The following AK7 variants were observed in gnomAD, a reference collection of about 807,000 sequenced individuals.
AK7 encodes adenylate kinase 7, also known as ATP-AMP transphosphorylase 7.
AK7 carries 78 observed loss-of-function variants against 96.6 expected under a neutral mutation model. That is an observed-to-expected ratio of 0.81 (90% CI 0.67 to 0.97). AK7 has a LOEUF of 0.97. AK7 is among the 50% of genes least tolerant of loss of function. The probability of loss-of-function intolerance (pLI) is 0.00; values close to 1 mark genes in which losing one functional copy is unlikely to be tolerated. For synonymous variants in AK7, 302 were observed against 317.2 expected, an observed-to-expected ratio of 0.95 and a Z score of 0.51; for missense variants, 855 against 887.9, an observed-to-expected ratio of 0.96 and a Z score of 0.47.
At chr14:96,408,165 C>T (rs557154689) in intron 3 of AK7, among the ~76,000 whole-genome samples, 1 of 152,312 alleles carries the variant, frequency 6.6e-6, no homozygotes, top group South Asian at 2.1e-4. Flanking sequence ...CTTCCTTCCA[C>T]CATGGCTTTC....
intron 4 of AK7, among the ~76,000 whole-genome samples, chr14:96,415,549 G>A (rs1007035890): frequency 6.6e-6 from 1 of 151,808 alleles, no homozygotes; most frequent in Non-Finnish European, 1.5e-5. Flanking sequence ...GCCAGCCCAT[G>A]GTGCCTGGAG....
intron 10 of AK7, among the ~76,000 whole-genome samples, chr14:96,453,112 G>GA (rs201596934): frequency 2.4e-3 from 354 of 149,896 alleles, no homozygotes; most frequent in African/African-American, 8.0e-3. Context: ...TATTCTCTTG[G>GA]AAAAAAAAAC....
chr14:96,471,849 T>G (rs1214588242), intron 13 of AK7, among the ~76,000 whole-genome samples: 1 of 152,026 alleles, frequency 6.6e-6, no homozygotes, highest in Non-Finnish European at 1.5e-5. Flanking sequence ...GTGGCACAAA[T>G]ACTTAACACG....
chr14:96,458,790 AGTCCCAGC>A (rs1456583323), intron 12 of AK7, among the ~76,000 whole-genome samples: 1 of 151,366 alleles, frequency 6.6e-6, no homozygotes, highest in African/African-American at 2.4e-5. Context: ...ATGTGCCTAT[AGTCCCAGC>A]TATTTGGAGG....
At chr14:96,430,127 G>T (rs1167515204) in intron 5 of AK7, among the ~76,000 whole-genome samples, 1 of 151,670 alleles carries the variant, frequency 6.6e-6, no homozygotes, top group African/African-American at 2.4e-5. Context: ...ATTATTTTGA[G>T]ATACGTTCCA....
chr14:96,404,822 T>C lies in AK7; in HGVS notation c.360T>C (p.Thr120=). ...LECDVIIYNI[T]ESSQQMEEAI... ...GTGATGTTATTATTTATAACATCAC[T>C]GAGAGCTCACAGCAAATGGAGGAAG... The change falls in exon 3 of 18, where the codon ACT becomes ACC. Residue 120 remains threonine, a synonymous_variant. Transcript: ENST00000267584. The C allele has an allele frequency of 1.2e-6, 2 of 1,610,848 alleles. No individual in the cohort carries two copies. Among genetic ancestry groups the C allele is most frequent in the Middle Eastern group, 3.3e-4 (2 of 6,054 alleles).
At chr14:96,414,574 G>A (rs1002116665) in intron 4 of AK7, among the ~76,000 whole-genome samples, 1 of 152,144 alleles carries the variant, frequency 6.6e-6, no homozygotes, top group Non-Finnish European at 1.5e-5. Context: ...GAAAAGGAAG[G>A]CCACACATAG....
intron 3 of AK7, among the ~76,000 whole-genome samples, chr14:96,407,392 C>A (rs879793383): frequency 3.3e-5 from 5 of 152,118 alleles, no homozygotes; most frequent in Non-Finnish European, 7.4e-5. Flanking sequence ...AATTCAATAA[C>A]GCTTTCTCGT....
At chr14:96,444,694 A>T (rs1369692033) in intron 7 of AK7, among the ~76,000 whole-genome samples, 1 of 151,832 alleles carries the variant, frequency 6.6e-6, no homozygotes, top group Non-Finnish European at 1.5e-5. Flanking sequence ...GTAACCTGGT[A>T]CTAACCTATC....
intron 4 of AK7, among the ~76,000 whole-genome samples, chr14:96,413,727 T>G (rs1482410082): frequency 6.6e-6 from 1 of 152,246 alleles, no homozygotes; most frequent in Non-Finnish European, 1.5e-5. Flanking sequence ...TAATACATTA[T>G]GCTTAATTGA....
At chr14:96,470,594 G>A (rs551227417) in intron 12 of AK7, among the ~76,000 whole-genome samples, 2 of 152,206 alleles carry the variant, frequency 1.3e-5, no homozygotes, top group Admixed American at 6.5e-5. Flanking sequence ...GGGCTTGAGA[G>A]GGAACTGTCC....
intron 12 of AK7, 124 bp from the exon 13 acceptor site, chr14:96,471,354 A>T: frequency 2.2e-6 from 1 of 447,080 alleles, no homozygotes; most frequent in Non-Finnish European, 3.6e-6. Flanking sequence ...AAAAAAAAAA[A>T]GCAAAATAGG....
At chr14:96,434,882 A>G (rs539681520) in intron 5 of AK7, among the ~76,000 whole-genome samples, 1 of 152,160 alleles carries the variant, frequency 6.6e-6, no homozygotes, top group Non-Finnish European at 1.5e-5. Context: ...CCAGGCCACA[A>G]GGAGTACTGA....
chr14:96,440,829 G>A (rs1892920359), intron 6 of AK7, among the ~76,000 whole-genome samples: 1 of 152,198 alleles, frequency 6.6e-6, no homozygotes, highest in South Asian at 2.1e-4. Context: ...AAAGGGAAAA[G>A]GGTAGATATT....
chr14:96,486,279 C>A, intron 16 of AK7, among the ~76,000 whole-genome samples: 1 of 152,154 alleles, frequency 6.6e-6, no homozygotes, highest in Non-Finnish European at 1.5e-5. Flanking sequence ...TTAGGTGCAC[C>A]TACCATGCAT....
At chr14:96,459,075 C>T (rs1176459546) in intron 12 of AK7, among the ~76,000 whole-genome samples, 2 of 151,958 alleles carry the variant, frequency 1.3e-5, no homozygotes, top group South Asian at 2.1e-4. Flanking sequence ...CGGTGGCTCA[C>T]ACCTGTAATC....
At chr14:96,453,404 G>T (rs903237638) in intron 10 of AK7, among the ~76,000 whole-genome samples, 1 of 152,198 alleles carries the variant, frequency 6.6e-6, no homozygotes, top group Non-Finnish European at 1.5e-5. Flanking sequence ...ACTAAATAGG[G>T]TATGTCTGTC....
Position 96,458,117 on chromosome 14 carries a change from G to GAGA in AK7, c.1271_1273dup (p.Glu424dup). ...GTTGCCCCTAACGATGTAGGGGAAGGAGAAGAAGAAGTCGAAGAGGAAGAG... is the reference window on the plus strand; with the variant it reads ...GTTGCCCCTAACGATGTAGGGGAAGGAGAAGAAGAAGAAGTCGAAGAGGAAGAG... On this transcript the variant is annotated inframe_insertion, in exon 12 of 18. Coordinates refer to ENST00000267584, the MANE Select transcript of AK7 (RefSeq NM_152327.5). The GAGA allele has an allele frequency of 6.2e-7, 1 of 1,613,898 alleles. No homozygotes were observed. The highest frequency in any genetic ancestry group is 8.5e-7 in the Non-Finnish European group (1 of 1,179,922).
intron 2 of AK7, 158 bp downstream of exon 2, chr14:96,398,421 C>T (rs971249813): frequency 7.4e-5 from 52 of 702,440 alleles, no homozygotes; most frequent in Non-Finnish European, 2.8e-5. Flanking sequence ...GGAGATTTAC[C>T]TCACAGACCC....
Sources: gnomAD v4.1 joint callset for allele counts (sites outside exome capture counted in the v4.1 genomes callset) on GRCh38, gnomAD v4.1.1 for gene constraint, MANE v1.5 for transcripts, NCBI Gene and HGNC (gene_info 2026-07-23, HGNC 2026-07-21) for gene names.